Variants in EPHA6 observed in about 807,000 individuals in gnomAD.
EPHA6 encodes ephrin type-A receptor 6.
Under a neutral mutation model 112.0 loss-of-function variants are expected in EPHA6, and 50 were observed. The ratio of observed to expected loss-of-function variants is 0.45; its 90% CI spans 0.36 to 0.56. The LOEUF (loss-of-function observed/expected upper bound fraction) is 0.56, where lower values mean the gene tolerates loss of function less well. EPHA6 is among the 20% of genes least tolerant of loss of function. The pLI, the probability that EPHA6 is intolerant of heterozygous loss-of-function variation, is 0.00. For missense variants in EPHA6, 1,280 were observed against 1,417.4 expected, an observed-to-expected ratio of 0.90 and a Z score of 1.56; for synonymous variants, 529 against 490.7, an observed-to-expected ratio of 1.08 and a Z score of -1.03.
chr3:96,868,190 CAGAG>C (rs1454262685), intron 2 of EPHA6, among the ~76,000 whole-genome samples: 1 of 141,056 alleles, frequency 7.1e-6, no homozygotes, highest in East Asian at 2.1e-4. Context: ...GAGAGAGAGA[CAGAG>C]TGTGTGTGTG....
At chr3:96,883,449 T>C (rs1191046242) in intron 2 of EPHA6, among the ~76,000 whole-genome samples, 1 of 152,224 alleles carries the variant, frequency 6.6e-6, no homozygotes, top group Non-Finnish European at 1.5e-5. Flanking sequence ...TTTGTTTTTA[T>C]TGCATTTGCT....
chr3:97,313,984 A>G (rs1172966845), intron 5 of EPHA6, among the ~76,000 whole-genome samples: 1 of 151,320 alleles, frequency 6.6e-6, no homozygotes, highest in Admixed American at 6.6e-5. Context: ...CTTTCTTCCT[A>G]TGTTTTCTTC....
At chr3:96,956,210 G>T (rs2041752297) in intron 2 of EPHA6, among the ~76,000 whole-genome samples, 1 of 152,144 alleles carries the variant, frequency 6.6e-6, no homozygotes, top group African/African-American at 2.4e-5. Flanking sequence ...TACACATAGA[G>T]ATTGGTAATT....
chr3:97,131,383 G>T (rs2075613361), intron 3 of EPHA6, among the ~76,000 whole-genome samples: 1 of 152,032 alleles, frequency 6.6e-6, no homozygotes, highest in African/African-American at 2.4e-5. Flanking sequence ...ACAGATCAAG[G>T]TGTACTTACA....
intron 3 of EPHA6, among the ~76,000 whole-genome samples, chr3:97,148,235 T>G (rs1349551750): frequency 1.3e-5 from 2 of 152,058 alleles, no homozygotes; most frequent in Non-Finnish European, 2.9e-5. Flanking sequence ...GTTGGGAGGC[T>G]GAGGCAGAAA....
At chr3:96,866,930 T>A in intron 2 of EPHA6, 41 bp downstream of exon 2, 1 of 1,183,524 alleles carries the variant, frequency 8.4e-7, no homozygotes, top group Non-Finnish European at 1.2e-6. Flanking sequence ...TTTTTTAGAT[T>A]TTTAAGATCT....
In EPHA6 at chr3:97,007,729, A is replaced by C. The variant is rs189478011; in HGVS notation, c.1114+19736A>C. On this transcript the variant is annotated intron_variant, in intron 3 of 17. Transcript: ENST00000389672. The stretch of plus-strand genomic sequence containing the variant: ...TCTTTATATTTTGGTATGTTTTTGC[A>C]GTGGCAGGTACCAGTTTTTCCTTTC... Among the ~76,000 whole-genome samples, 8 of 152,210 alleles carry C rather than the reference A, an allele frequency of 5.3e-5. 1 individual carries two copies. In the East Asian group the frequency reaches 5.8e-4, roughly 11 times the overall value.
At chr3:96,995,026 G>T (rs56061321) in intron 3 of EPHA6, among the ~76,000 whole-genome samples, 11,561 of 151,952 alleles carry the variant, frequency 0.076, 757 homozygotes, top group Admixed American at 0.22. Flanking sequence ...CAGAAGGAAA[G>T]GATGCTGGCA....
rs144274708 is a variant in EPHA6, at chr3:97,568,880, A to T, written c.2387-23732A>T. ...GTGGGGATGTATATAACCAAGGAGC[A>T]GAGTGGATGTCATCGGATGGAAACT... On this transcript the variant is annotated intron_variant, in intron 11 of 17. Coordinates refer to ENST00000389672, the MANE Select transcript of EPHA6 (RefSeq NM_001080448.3). Among the ~76,000 whole-genome samples, 374 of 152,330 alleles carry T rather than the reference A, an allele frequency of 2.5e-3. 3 individuals are homozygous for T. Among genetic ancestry groups the T allele is most frequent in the African/African-American group, 8.6e-3 (357 of 41,576 alleles).
intron 11 of EPHA6, among the ~76,000 whole-genome samples, chr3:97,567,828 T>C (rs780400127): frequency 2.0e-5 from 3 of 152,256 alleles, no homozygotes; most frequent in Non-Finnish European, 4.4e-5. Context: ...ATGCAAGGCC[T>C]CCTGGGAAAC....
At chr3:97,394,823 G>T (rs528571021) in intron 5 of EPHA6, among the ~76,000 whole-genome samples, 64 of 151,734 alleles carry the variant, frequency 4.2e-4, no homozygotes, top group Non-Finnish European at 8.0e-4. Context: ...ATGCACTGTT[G>T]TTGGGAATGT....
intron 13 of EPHA6, among the ~76,000 whole-genome samples, chr3:97,625,736 G>T (rs4857279): frequency 0.06 from 9,095 of 151,540 alleles, 434 homozygotes; most frequent in Admixed American, 0.13. Flanking sequence ...TAAAATCAAG[G>T]ATATTTTTAA....
intron 2 of EPHA6, among the ~76,000 whole-genome samples, chr3:96,964,397 A>G (rs1416084155): frequency 6.6e-6 from 1 of 152,098 alleles, no homozygotes. Flanking sequence ...TTCTTTGTTC[A>G]TCTTAGACAA....
rs543279942 is a variant in EPHA6, at chr3:97,664,972, A to G, written c.2784+26890A>G. ...TCACATAATTGGAAAAAACTAATTT[A>G]AAGTTCATATGGAACCAAAAAAGAG... is the stretch of plus-strand genomic sequence containing the variant. On this transcript the variant is annotated intron_variant, in intron 14 of 17. Transcript: ENST00000389672. 1.4e-4 allele frequency among the ~76,000 whole-genome samples: 22 copies of G among 152,318 alleles called. 1 individual carries two copies. The highest frequency in any genetic ancestry group is 3.4e-3 in the Middle Eastern group (1 of 294).
intron 3 of EPHA6, among the ~76,000 whole-genome samples, chr3:97,031,774 G>A (rs549258320): frequency 2.6e-4 from 40 of 152,054 alleles, no homozygotes; most frequent in African/African-American, 8.9e-4. Flanking sequence ...TTAGAATGGC[G>A]ATCATTAAAA....
At chr3:97,046,732 T>A (rs1252586442) in intron 3 of EPHA6, among the ~76,000 whole-genome samples, 1 of 152,114 alleles carries the variant, frequency 6.6e-6, no homozygotes, top group African/African-American at 2.4e-5. Flanking sequence ...AATTGAAAAT[T>A]ATAATTGAAA....
At chr3:97,545,704 C>T (rs1323161947) in intron 11 of EPHA6, among the ~76,000 whole-genome samples, 1 of 152,106 alleles carries the variant, frequency 6.6e-6, no homozygotes, top group Non-Finnish European at 1.5e-5. Flanking sequence ...GAGTCTAAGT[C>T]TCTTTGTAGG....
chr3:96,883,320 C>T (rs1251332197), intron 2 of EPHA6, among the ~76,000 whole-genome samples: 5 of 152,016 alleles, frequency 3.3e-5, no homozygotes, highest in Admixed American at 2.0e-4. Context: ...GGATATTAGT[C>T]CTTTGTTAGA....
intron 5 of EPHA6, among the ~76,000 whole-genome samples, chr3:97,251,455 A>C (rs930555956): frequency 6.6e-6 from 1 of 151,980 alleles, no homozygotes; most frequent in Non-Finnish European, 1.5e-5. Flanking sequence ...GCCTGAACCC[A>C]GGAGGCGGAG....
Sources: gnomAD v4.1 joint callset for allele counts (sites outside exome capture counted in the v4.1 genomes callset) on GRCh38, gnomAD v4.1.1 for gene constraint, MANE v1.5 for transcripts, NCBI Gene and HGNC (gene_info 2026-07-23, HGNC 2026-07-21) for gene names.